The following FER1L5 variants were observed in gnomAD, a reference collection of about 807,000 sequenced individuals.
FER1L5 encodes fer-1-like protein 5.
A neutral mutation model predicts 279.9 loss-of-function variants in FER1L5; 187 were observed. That is an observed-to-expected ratio of 0.67 (90% CI 0.59 to 0.75). The LOEUF (loss-of-function observed/expected upper bound fraction) is 0.75, where lower values mean the gene tolerates loss of function less well. FER1L5 is among the 30% of genes least tolerant of loss of function. FER1L5 has a pLI of 0.00. For synonymous variants in FER1L5, 921 were observed against 989.7 expected (o/e 0.93, Z 1.30); for missense variants, 2,091 against 2,594.4 (o/e 0.81, Z 4.21).
chr2:96,670,924 G>A (rs935570279), intron 18 of FER1L5, among the ~76,000 whole-genome samples: 3 of 151,554 alleles, frequency 2.0e-5, no homozygotes, highest in Non-Finnish European at 4.4e-5. Flanking sequence ...GGCCAATATG[G>A]CGAAACCTCA....
chr2:96,659,361 CCTTCTTT>C (rs2075783469), intron 9 of FER1L5, among the ~76,000 whole-genome samples: 1 of 66,676 alleles, frequency 1.5e-5, no homozygotes, highest in Non-Finnish European at 2.9e-5. Flanking sequence ...TTCCTTCCTT[CCTTCTTT>C]CTTTCTTTCT....
chr2:96,674,439 G>A (rs1460175088), intron 19 of FER1L5, among the ~76,000 whole-genome samples: 2 of 152,142 alleles, frequency 1.3e-5, no homozygotes, highest in Admixed American at 1.3e-4. Flanking sequence ...AGCCAGGATG[G>A]TCTAGATCTC....
At position 96,693,987 on chromosome 2, in the gene FER1L5, C is replaced by G. The variant is rs905576885; in HGVS notation, c.3551C>G (p.Pro1184Arg). Residue 1184 changes from proline (P) to arginine (R), a missense_variant, in exon 33 of 53, where the codon CCC becomes CGC. By Grantham distance (103) the Pro-to-Arg change is moderately radical. Transcript: ENST00000624922. ...WLDLQDRILP[P>R]MRWHPLVKEL... ...GATCTCCAGGACCGGATCCTGCCCC[C>G]CATGAGGTGGCATCCCCTTGTAAAG... is the stretch of plus-strand genomic sequence containing the variant. 11 of 1,551,432 alleles carry G rather than the reference C, an allele frequency of 7.1e-6. No homozygotes were observed. Among genetic ancestry groups the G allele is most frequent in the Non-Finnish European group, 7.0e-6 (8 of 1,147,000 alleles).
At chr2:96,682,295 T>C (rs2106633824) in intron 19 of FER1L5, among the ~76,000 whole-genome samples, 1 of 152,270 alleles carries the variant, frequency 6.6e-6, no homozygotes, top group African/African-American at 2.4e-5. Flanking sequence ...TTTCGCCATG[T>C]TGGCCAGGCT....
chr2:96,661,482 C>A, intron 11 of FER1L5, 42 bp downstream of exon 11: 2 of 1,536,866 alleles, frequency 1.3e-6, no homozygotes, highest in Non-Finnish European at 1.8e-6. Flanking sequence ...ATCCTGGCTG[C>A]CTCCTGGGGG....
chr2:96,688,287 C>G (rs1481852185), intron 24 of FER1L5, among the ~76,000 whole-genome samples: 2 of 152,160 alleles, frequency 1.3e-5, no homozygotes, highest in Non-Finnish European at 2.9e-5. Context: ...GAGCTTTCTC[C>G]TAGTTCATCA....
In FER1L5 at chr2:96,701,951, C is replaced by T. The variant is rs748438332; in HGVS notation, c.5071-4C>T. The T allele has an allele frequency of 3.1e-6, 5 of 1,613,960 alleles. No individual in the cohort carries two copies. The highest frequency in any genetic ancestry group is 4.2e-6 in the Non-Finnish European group (5 of 1,179,850). On this transcript the variant is annotated splice_polypyrimidine_tract_variant and splice_region_variant and intron_variant, in intron 45 of 52. Coordinates refer to ENST00000624922, the MANE Select transcript of FER1L5 (RefSeq NM_001293083.2). ...CCCAACCAGTCAATGTATCCCGGCTCTAGGGAAAGGTGCAAATGTGGGTGG... is the reference window on the plus strand; with the variant it reads ...CCCAACCAGTCAATGTATCCCGGCTTTAGGGAAAGGTGCAAATGTGGGTGG...
At chr2:96,667,577 C>A (rs1393135327) in intron 14 of FER1L5, among the ~76,000 whole-genome samples, 1 of 152,072 alleles carries the variant, frequency 6.6e-6, no homozygotes, top group African/African-American at 2.4e-5. Context: ...GAACTCCTGA[C>A]CTCAGGTGAT....
In FER1L5 at chr2:96,691,442, C is replaced by A; in HGVS notation, c.2908-3C>A. The A allele has an allele frequency of 6.5e-7, 1 of 1,537,280 alleles. No individual in the cohort carries two copies. The highest frequency in any genetic ancestry group is 8.8e-7 in the Non-Finnish European group (1 of 1,139,316). On this transcript the variant is annotated splice_region_variant and splice_polypyrimidine_tract_variant and intron_variant, in intron 28 of 52. Transcript: ENST00000624922. This position sits in a 1 kb window ranked among gnomAD's most constrained non-coding sequence, Gnocchi z 6.0. Reference sequence around the variant, plus strand: ...CACAACCCTGCTCTCCTCCCCACCACAGGGCCTGGCCAAGGGCGAGGAGGA... The same window carrying A: ...CACAACCCTGCTCTCCTCCCCACCAAAGGGCCTGGCCAAGGGCGAGGAGGA...
At chr2:96,655,073 A>C (rs527911837) in intron 9 of FER1L5, among the ~76,000 whole-genome samples, 2 of 152,270 alleles carry the variant, frequency 1.3e-5, no homozygotes, top group Non-Finnish European at 2.9e-5. Flanking sequence ...CGTTTATGAA[A>C]GCTCAGGGCG....
At position 96,684,342 on chromosome 2, in the gene FER1L5, A is replaced by G; in HGVS notation, c.1685A>G (p.Tyr562Cys). 6.4e-7 allele frequency: 1 copy of G among 1,551,588 alleles called. No homozygotes were observed. Among genetic ancestry groups the G allele is most frequent in the Non-Finnish European group, 8.7e-7 (1 of 1,146,928 alleles). Residue 562 changes from tyrosine to cysteine, a missense_variant, in exon 20 of 53, where the codon TAT becomes TGT. Coordinates refer to ENST00000624922, the MANE Select transcript of FER1L5 (RefSeq NM_001293083.2). ...TGTGTCTCAGGGAACATCTACCATT[A>G]TGTGCCCTGGTACAACACCAAGCCT... Reference protein sequence around the residue: ...PVIYDGNIYHYVPWYNTKPVV... With the variant: ...PVIYDGNIYHCVPWYNTKPVV...
At chr2:96,666,826 A>G (rs2076143295) in intron 14 of FER1L5, among the ~76,000 whole-genome samples, 1 of 151,432 alleles carries the variant, frequency 6.6e-6, no homozygotes, top group South Asian at 2.1e-4. Context: ...GATTTTTTGT[A>G]TTTTTGGTAG....
intron 19 of FER1L5, among the ~76,000 whole-genome samples, chr2:96,681,653 A>G (rs867796698): frequency 1.2e-3 from 178 of 152,290 alleles, no homozygotes; most frequent in African/African-American, 4.0e-3. Flanking sequence ...CAGTGTGTTC[A>G]TAGATCCAGA....
At chr2:96,659,339 T>TTCCTTCCTTCCTTCCG (rs2075762650) in intron 9 of FER1L5, among the ~76,000 whole-genome samples, 4 of 86,126 alleles carry the variant, frequency 4.6e-5, no homozygotes, top group African/African-American at 1.9e-4. Flanking sequence ...CCTTCCTTCC[T>TTCCTTCCTTCCTTCCG]TCCTTCCTTC....
At chr2:96,681,772 TTTTATTTA>T (rs140007368) in intron 19 of FER1L5, among the ~76,000 whole-genome samples, 51 of 147,530 alleles carry the variant, frequency 3.5e-4, no homozygotes, top group Middle Eastern at 6.8e-3. Flanking sequence ...TGAGAGATTA[TTTTATTTA>T]TTTATTTATT....
At position 96,702,847 on chromosome 2, in the gene FER1L5, T is replaced by G; in HGVS notation, c.5397+106T>G. 1.9e-6 allele frequency: 3 copies of G among 1,540,556 alleles called. No individual in the cohort carries two copies. Among genetic ancestry groups the G allele is most frequent in the South Asian group, 2.4e-5 (2 of 83,536 alleles). On this transcript the variant is annotated intron_variant, in intron 48 of 52. Transcript: ENST00000624922. The surrounding 1 kb of genome is among the most constrained non-coding windows in gnomAD (Gnocchi z 4.0). Reference sequence around the variant, plus strand: ...GAGGCTTGCAATCTGTCCCAGAACATCAGAAACATGTCCTCAGGTGGAAAC... The same window carrying G: ...GAGGCTTGCAATCTGTCCCAGAACAGCAGAAACATGTCCTCAGGTGGAAAC...
rs2077633351 is a variant in FER1L5 at position 96,702,732 on chromosome 2, G to C, written c.5388G>C (p.Gln1796His). 1 of 1,612,998 alleles carries C rather than the reference G, an allele frequency of 6.2e-7. No homozygotes were observed. The highest frequency in any genetic ancestry group is 1.1e-5 in the South Asian group (1 of 90,886). The change falls in exon 48 of 53, where the codon CAG (glutamine) becomes CAC (histidine). Residue 1796 changes from glutamine to histidine, a missense_variant. By Grantham distance (24) the Gln-to-His change is conservative. Coordinates refer to ENST00000624922, the MANE Select transcript of FER1L5 (RefSeq NM_001293083.2). This position sits in a 1 kb window ranked among gnomAD's most constrained non-coding sequence, Gnocchi z 4.0. ...TGGCGGCGGAGCGCACGTGTGTCCA[G>C]AGCCAGAAGGTAACAGGCCTGGGGC... ...DYLAAERTCV[Q>H]SQKDYIWSLD...
At chr2:96,684,177 TC>T (rs2076836128) in intron 19 of FER1L5, 149 bp from the exon 20 acceptor site, 9 of 1,045,716 alleles carry the variant, frequency 8.6e-6, no homozygotes, top group African/African-American at 1.6e-5. Context: ...CAGCCCAGCC[TC>T]CCAGCTGGAG....
At chr2:96,662,178 C>T (rs2075979935) in intron 12 of FER1L5, 37 bp from the exon 13 acceptor site, 3 of 1,547,710 alleles carry the variant, frequency 1.9e-6, no homozygotes, top group Non-Finnish European at 1.7e-6. Flanking sequence ...CTGAAAAATG[C>T]TGCTGGCTCA....
Sources: gnomAD v4.1 joint callset for allele counts (sites outside exome capture counted in the v4.1 genomes callset) on GRCh38, gnomAD v4.1.1 for gene constraint, Gnocchi (gnomAD v3.1) non-coding constraint, MANE v1.5 for transcripts, NCBI Gene and HGNC (gene_info 2026-07-23, HGNC 2026-07-21) for gene names.